The following BMPR1B variants were observed in gnomAD, a reference collection of about 807,000 sequenced individuals.
BMPR1B encodes bone morphogenetic protein receptor type 1B.
In BMPR1B, 12 loss-of-function variants were observed where a neutral mutation model predicts 59.1. The observed-to-expected ratio is 0.20, with a 90% CI of 0.13 to 0.33. BMPR1B has a LOEUF of 0.33. Ranked by LOEUF, BMPR1B falls within the 10% of genes least tolerant of loss-of-function variation. The pLI is 1.00. For synonymous variants in BMPR1B, 237 were observed against 207.3 expected (o/e 1.14, Z -1.23); for missense variants, 550 against 610.9 (o/e 0.90, Z 1.05).
chr4:94,769,970 C>T (rs895488980), intron 1 of BMPR1B, among the ~76,000 whole-genome samples: 2 of 152,164 alleles, frequency 1.3e-5, no homozygotes, highest in Non-Finnish European at 2.9e-5. Context: ...GGTATTCTAG[C>T]TGAAGTATGG....
chr4:95,011,346 G>T (rs1398116793), intron 3 of BMPR1B, among the ~76,000 whole-genome samples: 1 of 152,128 alleles, frequency 6.6e-6, no homozygotes, highest in Non-Finnish European at 1.5e-5. Context: ...CCCTGTGTTA[G>T]TTTGCTAAGA....
At chr4:95,083,546 C>T (rs1729339719) in intron 3 of BMPR1B, among the ~76,000 whole-genome samples, 1 of 151,942 alleles carries the variant, frequency 6.6e-6, no homozygotes, top group Non-Finnish European at 1.5e-5. Flanking sequence ...AATAAAAAAG[C>T]GAAAGGAACT....
rs533726091 is a variant in BMPR1B, at chr4:94,775,174, G to A, written c.-183+17106G>A. ...ATACCAGTTCAGTAAGGATCATGTG[G>A]GAATTACAAGAAATACCTGGCACAT... On this transcript the variant is annotated intron_variant, in intron 1 of 12. Transcript: ENST00000515059. Among the ~76,000 whole-genome samples the A allele has an allele frequency of 1.8e-4, 27 of 152,164 alleles. 1 individual carries two copies. The South Asian group carries it at 5.6e-3, about 32-fold the overall frequency.
At chr4:95,101,991 C>T (rs1409720379) in intron 3 of BMPR1B, among the ~76,000 whole-genome samples, 2 of 152,054 alleles carry the variant, frequency 1.3e-5, no homozygotes, top group Admixed American at 6.6e-5. Flanking sequence ...GTAAGTAAAA[C>T]CAAAAATTAT....
At chr4:95,099,910 A>G (rs1223813472) in intron 3 of BMPR1B, among the ~76,000 whole-genome samples, 7 of 152,194 alleles carry the variant, frequency 4.6e-5, no homozygotes, top group Admixed American at 1.3e-4. Flanking sequence ...TCTCGTCTGT[A>G]TAAGAGTTTA....
intron 1 of BMPR1B, among the ~76,000 whole-genome samples, chr4:94,807,716 A>AT (rs1483684881): frequency 1.3e-5 from 2 of 152,158 alleles, no homozygotes; most frequent in East Asian, 3.9e-4. Context: ...ACAGAGTCTC[A>AT]TTCTGTCGCC....
At chr4:94,986,266 T>G (rs1721399046) in intron 2 of BMPR1B, among the ~76,000 whole-genome samples, 1 of 152,188 alleles carries the variant, frequency 6.6e-6, no homozygotes, top group Non-Finnish European at 1.5e-5. Context: ...TTACTATATT[T>G]CCTCAGCTCA....
At chr4:95,061,632 A>G (rs1376086659) in intron 3 of BMPR1B, among the ~76,000 whole-genome samples, 1 of 152,182 alleles carries the variant, frequency 6.6e-6, no homozygotes, top group African/African-American at 2.4e-5. Context: ...GAAAGTTGTT[A>G]GGTGAATTGT....
intron 3 of BMPR1B, among the ~76,000 whole-genome samples, chr4:95,063,439 G>A (rs1727557109): frequency 6.6e-6 from 1 of 152,064 alleles, no homozygotes; most frequent in Non-Finnish European, 1.5e-5. Context: ...CATAGGTGCA[G>A]GAGCTTTTAT....
chr4:94,854,378 C>T (rs4364269), intron 1 of BMPR1B, among the ~76,000 whole-genome samples: 92,470 of 151,948 alleles, frequency 0.61, 29,008 homozygotes, highest in African/African-American at 0.76. Flanking sequence ...ATATGTAGCA[C>T]CACTATGAAC....
Position 95,023,825 on chromosome 4 carries a change from A to C in BMPR1B, c.-18+27691A>C, listed in dbSNP as rs190888292. 4.6e-5 allele frequency among the ~76,000 whole-genome samples: 7 copies of C among 152,350 alleles called. No homozygotes were observed. The East Asian group carries it at 1.3e-3, about 29-fold the overall frequency. ...TAATATATGCAAGTTTATACATATG[A>C]CTAATGTGAGGACATTGATTTTGTA... On this transcript the variant is annotated intron_variant, in intron 3 of 12. Transcript: ENST00000515059.
At chr4:95,127,263 A>G (rs1056405766) in intron 8 of BMPR1B, among the ~76,000 whole-genome samples, 2 of 152,190 alleles carry the variant, frequency 1.3e-5, no homozygotes, top group Non-Finnish European at 2.9e-5. Context: ...TATAGAATTA[A>G]AGTTTAGGTA....
intron 2 of BMPR1B, among the ~76,000 whole-genome samples, chr4:94,995,446 A>G (rs1160478608): frequency 1.3e-5 from 2 of 152,176 alleles, no homozygotes; most frequent in African/African-American, 4.8e-5. Context: ...AGCAATATTA[A>G]AAAAATTACA....
intron 2 of BMPR1B, among the ~76,000 whole-genome samples, chr4:94,976,935 A>G (rs1342392512): frequency 2.0e-5 from 3 of 152,048 alleles, no homozygotes; most frequent in African/African-American, 7.2e-5. Flanking sequence ...TCTTTTTCCA[A>G]AAAACATGAC....
Position 95,065,362 on chromosome 4 carries a change from T to C in BMPR1B, c.-17-39046T>C, listed in dbSNP as rs182195217. On this transcript the variant is annotated intron_variant, in intron 3 of 12. Coordinates refer to ENST00000515059, the MANE Select transcript of BMPR1B (RefSeq NM_001203.3). ...GGGGGTTGAAAATGTTCTAAAATTATGTCATTTGATGGTTGCATAACTCTA... is the reference window on the plus strand; with the variant it reads ...GGGGGTTGAAAATGTTCTAAAATTACGTCATTTGATGGTTGCATAACTCTA... 4.6e-3 allele frequency among the ~76,000 whole-genome samples: 702 copies of C among 152,294 alleles called. 4 individuals are homozygous for C. The highest frequency in any genetic ancestry group is 0.016 in the African/African-American group (656 of 41,560).
At chr4:94,946,537 G>A (rs1729715484) in intron 2 of BMPR1B, among the ~76,000 whole-genome samples, 1 of 152,128 alleles carries the variant, frequency 6.6e-6, no homozygotes, top group South Asian at 2.1e-4. Context: ...TTTGAAATAA[G>A]CTACATACAA....
intron 1 of BMPR1B, among the ~76,000 whole-genome samples, chr4:94,770,340 T>C (rs993880997): frequency 6.6e-6 from 1 of 152,096 alleles, no homozygotes; most frequent in Non-Finnish European, 1.5e-5. Flanking sequence ...TTTTCTATTC[T>C]CTAGTGATGT....
chr4:95,021,888 G>A (rs534620964), intron 3 of BMPR1B, among the ~76,000 whole-genome samples: 1 of 152,324 alleles, frequency 6.6e-6, no homozygotes. Flanking sequence ...TCTATCTAAA[G>A]AGCTTAGCTC....
intron 1 of BMPR1B, among the ~76,000 whole-genome samples, chr4:94,803,550 C>A (rs1723489731): frequency 6.6e-6 from 1 of 152,108 alleles, no homozygotes; most frequent in Non-Finnish European, 1.5e-5. Context: ...ATTCTAATAT[C>A]AAAAATGGGC....
Sources: gnomAD v4.1 joint callset for allele counts (sites outside exome capture counted in the v4.1 genomes callset) on GRCh38, gnomAD v4.1.1 for gene constraint, MANE v1.5 for transcripts, NCBI Gene and HGNC (gene_info 2026-07-23, HGNC 2026-07-21) for gene names.